LRRTM4: variants seen among roughly 807,000 people sequenced by gnomAD.
LRRTM4 encodes the protein leucine-rich repeat transmembrane neuronal protein 4.
LRRTM4 carries 25 observed loss-of-function variants against 47.6 expected under a neutral mutation model. That is an observed-to-expected ratio of 0.53 (90% CI 0.38 to 0.73). The LOEUF is 0.73. Ranked by LOEUF, LRRTM4 falls within the 30% of genes least tolerant of loss-of-function variation. The probability of loss-of-function intolerance (pLI) is 0.00; values close to 1 mark genes in which losing one functional copy is unlikely to be tolerated. For synonymous variants in LRRTM4, 311 were observed against 269.5 expected (o/e 1.15, Z -1.51); for missense variants, 638 against 713.4 (o/e 0.89, Z 1.20).
chr2:76,913,942 G>T (rs1438784665), intron 3 of LRRTM4, among the ~76,000 whole-genome samples: 1 of 151,814 alleles, frequency 6.6e-6, no homozygotes, highest in Non-Finnish European at 1.5e-5. Context: ...CTAGACTTTT[G>T]CACTGTTTGA....
chr2:76,969,319 T>A (rs898425255), intron 3 of LRRTM4, among the ~76,000 whole-genome samples: 3 of 151,924 alleles, frequency 2.0e-5, no homozygotes, highest in Non-Finnish European at 4.4e-5. Flanking sequence ...ATTTTTTATT[T>A]TCTGTTCTTT....
intron 3 of LRRTM4, among the ~76,000 whole-genome samples, chr2:76,915,065 T>C (rs1294180314): frequency 6.6e-6 from 1 of 152,214 alleles, no homozygotes; most frequent in Non-Finnish European, 1.5e-5. Context: ...TAGAAATCTT[T>C]GAAAACTTTT....
In LRRTM4 at chr2:77,506,024, G is replaced by A. The variant is rs189843798; in HGVS notation, c.1551+12294C>T. 1.2e-3 allele frequency among the ~76,000 whole-genome samples: 187 copies of A among 151,626 alleles called. No homozygotes were observed. In the Middle Eastern group the frequency reaches 0.014, roughly 11 times the overall value. ...AAACCATGACATTTCTTTTTTAGTAGACATGGAATTTAGTGGTTGGAGCAA... is the reference window on the plus strand; with the variant it reads ...AAACCATGACATTTCTTTTTTAGTAAACATGGAATTTAGTGGTTGGAGCAA... On this transcript the variant is annotated intron_variant, in intron 3 of 3. Transcript: ENST00000409884.
chr2:77,400,416 G>A (rs866395282), intron 3 of LRRTM4, among the ~76,000 whole-genome samples: 3 of 151,708 alleles, frequency 2.0e-5, no homozygotes, highest in African/African-American at 4.8e-5. Flanking sequence ...ATATCAGCTC[G>A]TGTAAGTGGT....
At chr2:77,086,629 C>A (rs551811706) in intron 3 of LRRTM4, among the ~76,000 whole-genome samples, 4 of 151,784 alleles carry the variant, frequency 2.6e-5, no homozygotes, top group Non-Finnish European at 5.9e-5. Flanking sequence ...GGCAGCCCAG[C>A]ACCATGCCTG....
chr2:76,932,362 T>C (rs1674798521), intron 3 of LRRTM4, among the ~76,000 whole-genome samples: 1 of 152,120 alleles, frequency 6.6e-6, no homozygotes, highest in Non-Finnish European at 1.5e-5. Context: ...CCTTGTCTCC[T>C]TCTTTCCCCT....
intron 3 of LRRTM4, among the ~76,000 whole-genome samples, chr2:77,067,366 C>G (rs2103816354): frequency 6.6e-6 from 1 of 151,808 alleles, no homozygotes; most frequent in Middle Eastern, 3.4e-3. Flanking sequence ...GAAAAGTACC[C>G]CTAGATAATA....
chr2:76,968,353 T>TACACACAC lies in LRRTM4; in HGVS notation c.1552-219438_1552-219437insGTGTGTGT, dbSNP rs1259939033. 4.3e-3 allele frequency among the ~76,000 whole-genome samples: 460 copies of TACACACAC among 107,954 alleles called. 18 individuals are homozygous for TACACACAC. The highest frequency in any genetic ancestry group is 6.3e-3 in the Non-Finnish European group (333 of 52,742). 70.8% of individuals were successfully genotyped at this position (107,954 alleles called of 152,430 possible). A position where few individuals can be genotyped will look rare whatever the true frequency, so the allele number is the denominator to read the frequency against. On this transcript the variant is annotated intron_variant, in intron 3 of 3. Transcript: ENST00000409884. ...GTGTGTATGTGTGTATATATATATA[T>TACACACAC]ATATATATATATATATATATATATA... is the stretch of plus-strand genomic sequence containing the variant.
At chr2:77,414,804 C>G (rs913398430) in intron 3 of LRRTM4, among the ~76,000 whole-genome samples, 2 of 150,730 alleles carry the variant, frequency 1.3e-5, no homozygotes, top group Non-Finnish European at 3.0e-5. Flanking sequence ...TCTATACCAT[C>G]TTCCCTCGCA....
intron 3 of LRRTM4, among the ~76,000 whole-genome samples, chr2:77,457,919 T>C (rs1054806945): frequency 1.3e-5 from 2 of 152,138 alleles, no homozygotes; most frequent in South Asian, 2.1e-4. Flanking sequence ...AGTTTTATTT[T>C]AGAGAGTTCA....
chr2:77,028,896 G>A (rs186106883), intron 3 of LRRTM4, among the ~76,000 whole-genome samples: 2,353 of 150,984 alleles, frequency 0.016, 77 homozygotes, highest in African/African-American at 0.052. Flanking sequence ...TTAGCTGAGC[G>A]TGGTGGTGGG....
chr2:77,044,117 G>T (rs1233676344), intron 3 of LRRTM4, among the ~76,000 whole-genome samples: 1 of 151,588 alleles, frequency 6.6e-6, no homozygotes, highest in Non-Finnish European at 1.5e-5. Context: ...GGAAGGACCT[G>T]GAATTATTTA....
At chr2:77,143,691 C>A (rs897653900) in intron 3 of LRRTM4, among the ~76,000 whole-genome samples, 22 of 152,052 alleles carry the variant, frequency 1.4e-4, no homozygotes, top group Admixed American at 4.6e-4. Context: ...ATATGAAGAG[C>A]CTAGATTGAG....
chr2:76,906,891 A>G (rs376024396), intron 3 of LRRTM4, among the ~76,000 whole-genome samples: 6,598 of 151,374 alleles, frequency 0.044, 287 homozygotes, highest in East Asian at 0.13. Flanking sequence ...CCCACACAAT[A>G]ATAATGGGAG....
chr2:76,846,231 A>G (rs1671833378), intron 3 of LRRTM4, among the ~76,000 whole-genome samples: 1 of 152,030 alleles, frequency 6.6e-6, no homozygotes, highest in African/African-American at 2.4e-5. Flanking sequence ...CGAGACACCT[A>G]CGGTGCAACA....
intron 3 of LRRTM4, among the ~76,000 whole-genome samples, chr2:77,037,174 T>A (rs984930969): frequency 6.6e-6 from 1 of 151,744 alleles, no homozygotes; most frequent in Non-Finnish European, 1.5e-5. Flanking sequence ...GCACTAATAT[T>A]TTATCCATTA....
At chr2:77,495,885 A>G (rs1192559998) in intron 3 of LRRTM4, among the ~76,000 whole-genome samples, 2 of 151,954 alleles carry the variant, frequency 1.3e-5, no homozygotes, top group African/African-American at 4.8e-5. Flanking sequence ...ATGAATTTTA[A>G]TATTTGAAAA....
intron 3 of LRRTM4, among the ~76,000 whole-genome samples, chr2:76,940,382 A>G (rs1675094713): frequency 6.6e-6 from 1 of 152,188 alleles, no homozygotes; most frequent in Admixed American, 6.5e-5. Flanking sequence ...AAACTGACGC[A>G]GGAACAGAAA....
intron 3 of LRRTM4, among the ~76,000 whole-genome samples, chr2:76,954,819 C>T (rs1381514684): frequency 3.3e-5 from 5 of 151,798 alleles, no homozygotes; most frequent in East Asian, 1.9e-4. Flanking sequence ...ATACAACTCA[C>T]CACATCACAT....
Sources: allele counts gnomAD v4.1 joint callset (sites outside exome capture counted in the v4.1 genomes callset), GRCh38; gene constraint gnomAD v4.1.1; transcripts MANE v1.5; gene names NCBI Gene and HGNC (gene_info 2026-07-23, HGNC 2026-07-21).